Variants in TFRC observed in about 807,000 individuals in gnomAD.
TFRC encodes transferrin receptor protein 1.
A neutral mutation model predicts 85.8 loss-of-function variants in TFRC; 35 were observed. The observed-to-expected ratio is 0.41, with a 90% CI of 0.31 to 0.54. TFRC has a LOEUF of 0.54. Ranked by LOEUF, TFRC falls within the 20% of genes least tolerant of loss-of-function variation. TFRC has a pLI of 0.31. For synonymous variants in TFRC, 362 were observed against 328.6 expected, an observed-to-expected ratio of 1.10 and a Z score of -1.10; for missense variants, 828 against 921.5, an observed-to-expected ratio of 0.90 and a Z score of 1.31.
At chr3:196,059,196 C>T (rs1166951066) in intron 14 of TFRC, among the ~76,000 whole-genome samples, 1 of 152,076 alleles carries the variant, frequency 6.6e-6, no homozygotes, top group Non-Finnish European at 1.5e-5. Context: ...CACCTGTAGT[C>T]CCAGCTCCTC....
intron 15 of TFRC, 40 bp downstream of exon 15, chr3:196,058,534 G>A: frequency 1.3e-6 from 2 of 1,583,784 alleles, no homozygotes; most frequent in Non-Finnish European, 1.7e-6. Context: ...TAGAATCTCT[G>A]CTTTTCTATT....
chr3:196,073,952 T>C lies in TFRC; in HGVS notation c.412A>G (p.Thr138Ala), dbSNP rs751117356. 1 of 1,613,980 alleles carries C rather than the reference T, an allele frequency of 6.2e-7. No individual in the cohort carries two copies. The highest frequency in any genetic ancestry group is 1.3e-5 in the African/African-American group (1 of 74,922). Residue 138 changes from threonine to alanine, a missense_variant, in exon 4 of 19, where the codon ACA becomes GCA. Coordinates refer to ENST00000360110, the MANE Select transcript of TFRC (RefSeq NM_001128148.3). ...KRKLSEKLDS[T>A]DFTGTIKLLN... ...CACTTGATGGTGCCGGTGAAGTCTG[T>C]GCTGTCCAGTTTCTCCGACAACTTT...
At chr3:196,080,893 A>C (rs1293243552) in intron 1 of TFRC, among the ~76,000 whole-genome samples, 1 of 152,138 alleles carries the variant, frequency 6.6e-6, no homozygotes, top group Non-Finnish European at 1.5e-5. Context: ...CCTAACCTTA[A>C]TTTTCACAGT....
chr3:196,065,252 A>G (rs1043582958), intron 10 of TFRC, among the ~76,000 whole-genome samples, 191 bp downstream of exon 10: 13 of 119,192 alleles, frequency 1.1e-4, no homozygotes, highest in African/African-American at 2.5e-4. Context: ...ACAAGAGTGA[A>G]ACTCTTTCTC....
Position 196,079,692 on chromosome 3 carries a change from T to C in TFRC, c.-24+2351A>G, listed in dbSNP as rs183048256. ...CTCAATGGTGACTGAAAACAACAAT[T>C]CAATTTCTCACATTAATAATGAAGC... On this transcript the variant is annotated intron_variant, in intron 1 of 18. Transcript: ENST00000360110. Among the ~76,000 whole-genome samples the C allele has an allele frequency of 4.4e-3, 674 of 152,336 alleles. 8 individuals are homozygous for C. Among genetic ancestry groups the C allele is most frequent in the African/African-American group, 0.016 (645 of 41,570 alleles).
chr3:196,057,940 G>A (rs1219552049), intron 16 of TFRC: 1 of 174,338 alleles, frequency 5.7e-6, no homozygotes, highest in African/African-American at 2.4e-5. Flanking sequence ...CAAGGATTAA[G>A]GGTTTTTTTT....
intron 1 of TFRC, among the ~76,000 whole-genome samples, chr3:196,081,154 T>A (rs1388329128): frequency 3.3e-5 from 5 of 152,192 alleles, no homozygotes; most frequent in Admixed American, 2.0e-4. Flanking sequence ...CGCCCATCAA[T>A]CCAGCACAGC....
At chr3:196,066,927 T>A (rs146049600) in intron 9 of TFRC, among the ~76,000 whole-genome samples, 161 of 152,308 alleles carry the variant, frequency 1.1e-3, no homozygotes, top group Middle Eastern at 3.4e-3. Context: ...GATAAATATG[T>A]CCACATCCAA....
chr3:196,062,645 C>T lies in TFRC; in HGVS notation c.1405G>A (p.Gly469Arg). The T allele has an allele frequency of 6.2e-7, 1 of 1,605,068 alleles. No homozygotes were observed. Among genetic ancestry groups the T allele is most frequent in the Non-Finnish European group, 8.5e-7 (1 of 1,177,458 alleles). ...TTTAAATGCAGGGACGAAAGGTATC[C>T]CTAGAAGAGAAGGGAAAACACTAAT... ...GSVGATEWLE[G>R]YLSSLHLKAF... Residue 469 changes from glycine (G) to arginine (R), a missense_variant and splice_region_variant, in exon 13 of 19, where the codon GGA becomes AGA. Gly to Arg is a moderately radical substitution (Grantham distance 125). Transcript: ENST00000360110.
intron 13 of TFRC, among the ~76,000 whole-genome samples, chr3:196,060,802 A>AT (rs1717216823): frequency 1.4e-5 from 2 of 142,836 alleles, no homozygotes; most frequent in Non-Finnish European, 3.0e-5. Flanking sequence ...CATCTCAAAA[A>AT]AAAAAAAAAA....
At position 196,058,569 on chromosome 3, in the gene TFRC, C is replaced by A; in HGVS notation, c.1595+5G>T. 1 of 1,610,498 alleles carries A rather than the reference C, an allele frequency of 6.2e-7. No homozygotes were observed. Among genetic ancestry groups the A allele is most frequent in the Non-Finnish European group, 8.5e-7 (1 of 1,178,840 alleles). The stretch of plus-strand genomic sequence containing the variant: ...TAGTTTGTTCATTCACTTTTCTCAA[C>A]TTACACTTTGCTGGCCCAGTTGCTG... On this transcript the variant is annotated splice_donor_5th_base_variant and intron_variant, in intron 15 of 18. Coordinates refer to ENST00000360110, the MANE Select transcript of TFRC (RefSeq NM_001128148.3).
chr3:196,049,940 A>G lies in TFRC; in HGVS notation c.*2002T>C. 1 of 231,520 alleles carries G rather than the reference A, an allele frequency of 4.3e-6. No homozygotes were observed. Among genetic ancestry groups the G allele is most frequent in the Non-Finnish European group, 8.6e-6 (1 of 116,914 alleles). 14.3% of individuals were successfully genotyped at this position (231,520 alleles called of 1,614,324 possible). On this transcript the variant is annotated 3_prime_UTR_variant, in exon 19 of 19. Coordinates refer to ENST00000360110, the MANE Select transcript of TFRC (RefSeq NM_001128148.3). ...CTAGGAGGCCGTTTCCAACTGCCCT[A>G]TGACAAACAGCTGATCATCACGTTT...
chr3:196,058,131 T>G (rs144580455), intron 16 of TFRC, 153 bp downstream of exon 16: 14 of 545,070 alleles, frequency 2.6e-5, no homozygotes, highest in Non-Finnish European at 4.6e-5. Context: ...TCCTCGTCAT[T>G]TGTCCTTAAA....
At chr3:196,076,310 T>C (rs1718689311) in intron 2 of TFRC, among the ~76,000 whole-genome samples, 1 of 151,690 alleles carries the variant, frequency 6.6e-6, no homozygotes, top group Admixed American at 6.6e-5. Flanking sequence ...TTTCTTAAAA[T>C]TTCATTTTTT....
At chr3:196,058,944 A>G (rs1421971722) in intron 14 of TFRC, 1 of 171,872 alleles carries the variant, frequency 5.8e-6, no homozygotes, top group African/African-American at 2.4e-5. Flanking sequence ...AGCTGGGAGG[A>G]TCACTTGAGC....
rs376466671 is a variant in TFRC at position 196,060,187 on chromosome 3, A to G, written c.1529T>C (p.Met510Thr). ...AATGAGGTATATACTCACATTTTGC[A>G]TTGTTTTCTCAATAAGCGTATACAA... ...PLLYTLIEKT[M>T]QNVKHPVTGQ... The change falls in exon 14 of 19, where the codon ATG becomes ACG. Residue 510 changes from methionine (M) to threonine (T), a missense_variant. Met to Thr is a moderately conservative substitution (Grantham distance 81, BLOSUM62 -1). Transcript: ENST00000360110. 8 of 1,613,452 alleles carry G rather than the reference A, an allele frequency of 5.0e-6. No homozygotes were observed. Among genetic ancestry groups the G allele is most frequent in the Admixed American group, 3.3e-5 (2 of 59,910 alleles).
intron 4 of TFRC, among the ~76,000 whole-genome samples, chr3:196,073,051 A>AACAAACAAAC (rs770520517): frequency 0.11 from 16,474 of 147,884 alleles, 1,374 homozygotes; most frequent in Middle Eastern, 0.2. Context: ...AAAAAAAAAA[A>AACAAACAAAC]AAAAAAAAAC....
chr3:196,053,130 T>A (rs41298075), intron 18 of TFRC, among the ~76,000 whole-genome samples: 12 of 151,958 alleles, frequency 7.9e-5, no homozygotes, highest in Admixed American at 1.3e-4. Flanking sequence ...AAAAAAAAAT[T>A]TTTTTAAAGG....
chr3:196,060,392 C>G, intron 13 of TFRC, 145 bp from the exon 14 acceptor site: 1 of 701,762 alleles, frequency 1.4e-6, no homozygotes, highest in South Asian at 1.9e-5. Context: ...ATCAAGTAAA[C>G]AAAAGTAATT....
Sources: gnomAD v4.1 joint callset for allele counts (sites outside exome capture counted in the v4.1 genomes callset) on GRCh38, gnomAD v4.1.1 for gene constraint, MANE v1.5 for transcripts, NCBI Gene and HGNC (gene_info 2026-07-23, HGNC 2026-07-21) for gene names.